Variants in PPIL6 observed in about 807,000 individuals in gnomAD.
The protein encoded by PPIL6 is peptidylprolyl isomerase like 6, also known as probable inactive peptidyl-prolyl cis-trans isomerase-like 6.
Under a neutral mutation model 36.8 loss-of-function variants are expected in PPIL6, and 39 were observed. The observed-to-expected ratio is 1.06, with a 90% CI of 0.82 to 1.38. The LOEUF is 1.38. Ranked by LOEUF, PPIL6 falls within the 40% of genes most tolerant of loss-of-function variation. PPIL6 has a pLI of 0.00. For missense variants in PPIL6, 368 were observed against 379.1 expected (o/e 0.97, Z 0.24); for synonymous variants, 123 against 134.1 (o/e 0.92, Z 0.57).
rs1337609208 is a variant in PPIL6, at chr6:109,440,528, C to A, written c.63G>T (p.Glu21Asp). 6 of 1,499,398 alleles carry A rather than the reference C, an allele frequency of 4.0e-6. No individual in the cohort carries two copies. In the South Asian group the frequency reaches 7.6e-5, roughly 19 times the overall value. 92.9% of individuals were successfully genotyped at this position (1,499,398 alleles called of 1,614,324 possible). ...HARCGSPSLP[E>D]RPLQVKVVGL... ...CCACCACCTTCACCTGCAGCGGCCG[C>A]TCCGGCAGCGACGGCGAGCCGCACC... The change falls in exon 1 of 8, where the codon GAG becomes GAT. Residue 21 changes from glutamate (E) to aspartate (D), a missense_variant. Transcript: ENST00000521072.
rs1469500048 is a variant in PPIL6 at position 109,413,781 on chromosome 6, A to G, written c.688+5406T>C. Among the ~76,000 whole-genome samples, 1 of 152,256 alleles carries G rather than the reference A, an allele frequency of 6.6e-6. No homozygotes were observed. Among genetic ancestry groups the G allele is most frequent in the East Asian group, 1.9e-4 (1 of 5,200 alleles). On this transcript the variant is annotated intron_variant, in intron 6 of 7. Coordinates refer to ENST00000521072, the MANE Select transcript of PPIL6 (RefSeq NM_173672.5). This position sits in a 1 kb window ranked among gnomAD's most constrained non-coding sequence, Gnocchi z 4.6. ...ATACACAATGGAATACTATTCAGCC[A>G]TAAAAAAGAATGAGATCCAGTCATT... is the stretch of plus-strand genomic sequence containing the variant.
In PPIL6 at chr6:109,424,230, G is replaced by T. The variant is rs974508941; in HGVS notation, c.631+2617C>A. 3.7e-4 allele frequency among the ~76,000 whole-genome samples: 57 copies of T among 152,098 alleles called. 1 individual carries two copies. The highest frequency in any genetic ancestry group is 1.3e-3 in the African/African-American group (55 of 41,402). On this transcript the variant is annotated intron_variant, in intron 5 of 7. Coordinates refer to ENST00000521072, the MANE Select transcript of PPIL6 (RefSeq NM_173672.5). ...ACAGACAGTGGGGTTGGGGGCAGGGGGTGAAACAAGGGATACCTGCAGGAA... is the reference window on the plus strand; with the variant it reads ...ACAGACAGTGGGGTTGGGGGCAGGGTGTGAAACAAGGGATACCTGCAGGAA...
chr6:109,394,639 C>T (rs1484553982), intron 7 of PPIL6, among the ~76,000 whole-genome samples: 2 of 152,166 alleles, frequency 1.3e-5, no homozygotes, highest in Non-Finnish European at 2.9e-5. Context: ...CTAGCCCTCT[C>T]TTTGCCTTTG....
chr6:109,417,762 A>G (rs998303305), intron 6 of PPIL6, among the ~76,000 whole-genome samples: 1 of 152,244 alleles, frequency 6.6e-6, no homozygotes, highest in African/African-American at 2.4e-5. Context: ...GACCTTATGC[A>G]GGAAATATTA....
chr6:109,436,060 CT>C lies in PPIL6; in HGVS notation c.231+43del, dbSNP rs752336698. 40 of 1,027,896 alleles carry C rather than the reference CT, an allele frequency of 3.9e-5. No homozygotes were observed. The African/African-American group carries it at 6.0e-4, about 15-fold the overall frequency. The allele number at this position is 1,027,896 out of a possible 1,614,324, so 63.7% of individuals were successfully genotyped here. ...CAATGCATAAATAATTCAGGCAAAA[CT>C]TGGCTTGTTGTCTATATCCCCCACA... On this transcript the variant is annotated intron_variant, in intron 2 of 7. Coordinates refer to ENST00000521072, the MANE Select transcript of PPIL6 (RefSeq NM_173672.5).
At chr6:109,440,640 G>A (rs1214497868), upstream of PPIL6, 3 of 1,182,358 alleles carry the variant, frequency 2.5e-6, no homozygotes, top group African/African-American at 1.6e-5. Context: ...CGTCGCTCCG[G>A]CAACCGCGCG....
intron 6 of PPIL6, among the ~76,000 whole-genome samples, chr6:109,404,757 C>T (rs1461377697): frequency 1.3e-5 from 2 of 152,136 alleles, no homozygotes; most frequent in Non-Finnish European, 2.9e-5. Flanking sequence ...CTTTGGCCAT[C>T]GATTCAATAA....
At chr6:109,411,694 G>C (rs890640959) in intron 6 of PPIL6, among the ~76,000 whole-genome samples, 2 of 152,138 alleles carry the variant, frequency 1.3e-5, no homozygotes, top group Non-Finnish European at 2.9e-5. Flanking sequence ...GTGTTTTCTA[G>C]ATTACAACAG....
At chr6:109,425,297 A>G (rs886373641) in intron 5 of PPIL6, among the ~76,000 whole-genome samples, 2 of 152,224 alleles carry the variant, frequency 1.3e-5, no homozygotes, top group African/African-American at 2.4e-5. Context: ...TTGCTGTCTC[A>G]CTGTTTGAAA....
chr6:109,432,371 A>G (rs887208978), intron 2 of PPIL6, among the ~76,000 whole-genome samples: 6 of 152,146 alleles, frequency 3.9e-5, no homozygotes, highest in Non-Finnish European at 7.4e-5. Flanking sequence ...CATCAACACA[A>G]CGCTGATGGT....
At chr6:109,397,882 T>C (rs1042162623) in intron 7 of PPIL6, among the ~76,000 whole-genome samples, 15 of 149,694 alleles carry the variant, frequency 1.0e-4, no homozygotes, top group Non-Finnish European at 1.9e-4. Flanking sequence ...AGAAATGTTA[T>C]TTGGATTTAA....
chr6:109,418,957 G>T (rs1773404743), intron 6 of PPIL6, among the ~76,000 whole-genome samples: 1 of 152,034 alleles, frequency 6.6e-6, no homozygotes, highest in South Asian at 2.1e-4. Context: ...CTAATTCTGG[G>T]ATTTACCCTA....
chr6:109,430,126 G>C (rs1774052913), intron 3 of PPIL6, among the ~76,000 whole-genome samples: 1 of 152,242 alleles, frequency 6.6e-6, no homozygotes, highest in South Asian at 2.1e-4. Flanking sequence ...TTTCAGGTCT[G>C]TTTGAGCAGT....
chr6:109,440,702 G>T (rs1451995760), upstream of PPIL6: 1 of 808,712 alleles, frequency 1.2e-6, no homozygotes, highest in Non-Finnish European at 1.6e-6. Flanking sequence ...GGTCGAGGGC[G>T]GCCCGTGGCG....
chr6:109,440,397 C>A, intron 1 of PPIL6, 59 bp downstream of exon 1: 2 of 1,518,226 alleles, frequency 1.3e-6, no homozygotes, highest in Non-Finnish European at 1.8e-6. Context: ...CTGCAGTCCA[C>A]GCGGCCGAGA....
intron 7 of PPIL6, among the ~76,000 whole-genome samples, chr6:109,396,145 C>T (rs1298805569): frequency 6.6e-6 from 1 of 152,208 alleles, no homozygotes; most frequent in African/African-American, 2.4e-5. Flanking sequence ...GTCCACTTAT[C>T]ACCTGCTCAT....
chr6:109,403,734 G>A (rs9320286), intron 6 of PPIL6, among the ~76,000 whole-genome samples: 79,403 of 152,012 alleles, frequency 0.52, 21,886 homozygotes, highest in African/African-American at 0.71. Context: ...TTTATAAAAT[G>A]ATAATCTAAT....
chr6:109,436,325 TGA>T, intron 1 of PPIL6, 126 bp from the exon 2 acceptor site: 1 of 615,126 alleles, frequency 1.6e-6, no homozygotes, highest in Non-Finnish European at 2.9e-6. Flanking sequence ...GCAGTCCGAC[TGA>T]GATATTCCTT....
At chr6:109,422,025 TGCCACCACGCCCA>T (rs1020824759) in intron 5 of PPIL6, among the ~76,000 whole-genome samples, 2 of 152,092 alleles carry the variant, frequency 1.3e-5, no homozygotes, top group Admixed American at 1.3e-4. Flanking sequence ...TATAGGCGCA[TGCCACCACGCCCA>T]GCTAATTTTT....
Sources: gnomAD v4.1 joint callset for allele counts (sites outside exome capture counted in the v4.1 genomes callset) on GRCh38, gnomAD v4.1.1 for gene constraint, Gnocchi (gnomAD v3.1) non-coding constraint, MANE v1.5 for transcripts, NCBI Gene and HGNC (gene_info 2026-07-23, HGNC 2026-07-21) for gene names.